The following TOGARAM2 variants were observed in gnomAD, a reference collection of about 807,000 sequenced individuals.
TOGARAM2 encodes TOG array regulator of axonemal microtubules 2, also known as TOG array regulator of axonemal microtubules protein 2.
TOGARAM2 carries 85 observed loss-of-function variants against 93.3 expected under a neutral mutation model. That is an observed-to-expected ratio of 0.91 (90% CI 0.76 to 1.09). The LOEUF is 1.09. Among genes scored for constraint, TOGARAM2 ranks in the 50% least tolerant of loss-of-function variants. TOGARAM2 has a pLI of 0.00. For missense variants in TOGARAM2, 1,277 were observed against 1,334.5 expected (o/e 0.96, Z 0.67); for synonymous variants, 593 against 552.8 (o/e 1.07, Z -1.02).
chr2:28,989,251 A>G (rs934790856), intron 1 of TOGARAM2, among the ~76,000 whole-genome samples: 2 of 151,998 alleles, frequency 1.3e-5, no homozygotes, highest in African/African-American at 2.4e-5. Context: ...GGGTTTTGCC[A>G]TGTTGGCCAG....
intron 1 of TOGARAM2, among the ~76,000 whole-genome samples, chr2:28,963,549 T>A (rs980569701): frequency 6.6e-6 from 1 of 152,174 alleles, no homozygotes; most frequent in Non-Finnish European, 1.5e-5. Flanking sequence ...TAACTTTTAA[T>A]GTTTTTTTGT....
intron 8 of TOGARAM2, 68 bp downstream of exon 8, chr2:29,014,629 A>T: frequency 6.6e-7 from 1 of 1,516,864 alleles, no homozygotes; most frequent in Non-Finnish European, 8.9e-7. Flanking sequence ...AAGGCAAGCA[A>T]GTGTCTGAAG....
At chr2:29,018,001 C>T in intron 10 of TOGARAM2, 45 bp downstream of exon 10, 2 of 1,533,558 alleles carry the variant, frequency 1.3e-6, no homozygotes, top group Non-Finnish European at 1.8e-6. Context: ...TCTGCCCATG[C>T]TGCCTCAGGA....
chr2:28,999,147 C>T (rs552365744), intron 3 of TOGARAM2, 34 bp from the exon 4 acceptor site: 12 of 1,567,746 alleles, frequency 7.7e-6, no homozygotes, highest in African/African-American at 4.1e-5. Flanking sequence ...CTGGGTACTG[C>T]GTGCCAAGCC....
chr2:28,974,127 C>T (rs1223808397), intron 1 of TOGARAM2, among the ~76,000 whole-genome samples: 5 of 127,208 alleles, frequency 3.9e-5, no homozygotes, highest in African/African-American at 8.9e-5. Context: ...ATAATATATC[C>T]TTTTTTTTTT....
chr2:29,045,404 C>T lies in TOGARAM2; in HGVS notation c.2716C>T (p.Leu906=), dbSNP rs376580582. The T allele has an allele frequency of 9.3e-6, 15 of 1,613,094 alleles. No homozygotes were observed. The highest frequency in any genetic ancestry group is 1.3e-5 in the African/African-American group (1 of 74,912). ...TGCGGTGCTGGATGTCACAGATCGCCTGGCAGGTGAGCACCCCCAGCCCCA... is the reference window on the plus strand; with the variant it reads ...TGCGGTGCTGGATGTCACAGATCGCTTGGCAGGTGAGCACCCCCAGCCCCA... The part of the protein sequence containing the change: ...GRAVLDVTDR[L]AVLVASVYPR... The change falls in exon 19 of 20, where the codon CTG becomes TTG. Residue 906 remains leucine (L), a synonymous_variant. Transcript: ENST00000379558.
At chr2:29,027,119 G>A in intron 14 of TOGARAM2, 108 bp downstream of exon 14, 1 of 1,170,448 alleles carries the variant, frequency 8.5e-7, no homozygotes, top group Non-Finnish European at 1.2e-6. Flanking sequence ...AGAGGGACAG[G>A]CAGGTAGGCG....
upstream of TOGARAM2, among the ~76,000 whole-genome samples, chr2:28,980,200 C>A (rs1424740557): frequency 6.6e-6 from 1 of 152,214 alleles, no homozygotes; most frequent in Non-Finnish European, 1.5e-5. Context: ...CCCAGAGGGA[C>A]CTTGTTCTCA....
At chr2:28,987,110 A>G (rs940161106) in intron 1 of TOGARAM2, among the ~76,000 whole-genome samples, 8 of 152,178 alleles carry the variant, frequency 5.3e-5, no homozygotes, top group African/African-American at 1.9e-4. Context: ...CTGAACCTCA[A>G]TCATCTTGTC....
At position 29,017,266 on chromosome 2, in the gene TOGARAM2, C is replaced by T. The variant is rs61750881; in HGVS notation, c.1157C>T (p.Ser386Phe). The T allele has an allele frequency of 2.0e-3, 3,215 of 1,612,866 alleles. 63 individuals carry two copies. In the African/African-American group the frequency reaches 0.038, roughly 19 times the overall value. The change falls in exon 9 of 20, where the codon TCC becomes TTC. Residue 386 changes from serine to phenylalanine, a missense_variant. Transcript: ENST00000379558. The stretch of plus-strand genomic sequence containing the variant: ...CCCAGGACAGGGCAGGAGCTCACTT[C>T]CCAGTGCCTGGGCTCCCAGAGAGCC... ...EEPRTGQELT[S>F]QCLGSQRAFM...
rs919322896 is a variant in TOGARAM2, at chr2:29,006,960, A to G, written c.830+3278A>G. 7.2e-5 allele frequency among the ~76,000 whole-genome samples: 11 copies of G among 152,218 alleles called. No homozygotes were observed. In the South Asian group the frequency reaches 2.1e-3, roughly 29 times the overall value. On this transcript the variant is annotated intron_variant, in intron 6 of 19. Transcript: ENST00000379558. ...TTGACTTTTTTGCATCATTTGAACC[A>G]TGGATGGCCCTTGAATTTTTCTTCT...
chr2:29,052,200 G>A lies in TOGARAM2; in HGVS notation c.*107G>A, dbSNP rs1667113952. 3.3e-6 allele frequency: 3 copies of A among 901,252 alleles called. No homozygotes were observed. The highest frequency in any genetic ancestry group is 1.7e-5 in the African/African-American group (1 of 57,690). 55.8% of individuals were successfully genotyped at this position (901,252 alleles called of 1,614,324 possible). The stretch of plus-strand genomic sequence containing the variant: ...CCAGATGTACATGGTATATTTTGAA[G>A]TAGAAATAAAAGAATTACTTATTTT... On this transcript the variant is annotated 3_prime_UTR_variant, in exon 20 of 20. Transcript: ENST00000379558.
intron 6 of TOGARAM2, among the ~76,000 whole-genome samples, chr2:29,007,666 G>C (rs569706560): frequency 8.5e-5 from 13 of 152,114 alleles, no homozygotes; most frequent in African/African-American, 3.1e-4. Flanking sequence ...TGCCTGTATT[G>C]ACATTCCTGA....
intron 6 of TOGARAM2, among the ~76,000 whole-genome samples, chr2:29,009,523 G>A (rs1436731611): frequency 6.6e-6 from 1 of 151,500 alleles, no homozygotes; most frequent in Non-Finnish European, 1.5e-5. Context: ...GGCTGAGGAT[G>A]CAGAGGTGGG....
chr2:29,035,308 A>G (rs909101205), intron 16 of TOGARAM2, among the ~76,000 whole-genome samples, 156 bp from the exon 17 acceptor site: 2 of 152,186 alleles, frequency 1.3e-5, no homozygotes, highest in African/African-American at 4.8e-5. Flanking sequence ...CCTGGGCAAC[A>G]AGCTGTAGGT....
intron 19 of TOGARAM2, chr2:29,049,854 C>T (rs369762099): frequency 2.0e-5 from 3 of 152,174 alleles, no homozygotes; most frequent in South Asian, 4.1e-4. Context: ...CCTGCAAGAG[C>T]CCCAAGGGTG....
chr2:29,002,463 C>T, intron 4 of TOGARAM2, 73 bp from the exon 5 acceptor site: 1 of 1,380,644 alleles, frequency 7.2e-7, no homozygotes, highest in Admixed American at 2.0e-5. Flanking sequence ...GGCCCCGTTG[C>T]TGGGGTCTGA....
At chr2:29,001,465 T>A (rs1673292047) in intron 4 of TOGARAM2, among the ~76,000 whole-genome samples, 1 of 151,862 alleles carries the variant, frequency 6.6e-6, no homozygotes, top group Admixed American at 6.6e-5. Context: ...TCTCCTGAGT[T>A]GCTGGGATTA....
chr2:29,002,296 C>G (rs1348647504), intron 4 of TOGARAM2, among the ~76,000 whole-genome samples: 1 of 152,212 alleles, frequency 6.6e-6, no homozygotes, highest in African/African-American at 2.4e-5. Flanking sequence ...TCCCTTCCTT[C>G]CCACGCTGCC....
Sources: allele counts gnomAD v4.1 joint callset (sites outside exome capture counted in the v4.1 genomes callset), GRCh38; gene constraint gnomAD v4.1.1; transcripts MANE v1.5; gene names NCBI Gene and HGNC (gene_info 2026-07-23, HGNC 2026-07-21).